Variants in ITGAX observed in about 807,000 individuals in gnomAD.
ITGAX encodes integrin subunit alpha X.
A neutral mutation model predicts 140.2 loss-of-function variants in ITGAX; 99 were observed. That is an observed-to-expected ratio of 0.71 (90% CI 0.60 to 0.83). The LOEUF (loss-of-function observed/expected upper bound fraction) is 0.83, where lower values mean the gene tolerates loss of function less well. Ranked by LOEUF, ITGAX falls within the 40% of genes least tolerant of loss-of-function variation. ITGAX has a pLI of 0.00. For missense variants in ITGAX, 1,444 were observed against 1,482.0 expected, an observed-to-expected ratio of 0.97 and a Z score of 0.42; for synonymous variants, 631 against 600.4, an observed-to-expected ratio of 1.05 and a Z score of -0.75.
chr16:31,361,467 CA>C, intron 9 of ITGAX: 2 of 672,740 alleles, frequency 3.0e-6, no homozygotes. Context: ...CACTGCAGAA[CA>C]AAAAGCAGTG....
In ITGAX at chr16:31,362,664, GC is replaced by G. The variant is rs1316967675; in HGVS notation, c.1276del (p.Arg426AlafsTer20). 1 of 1,613,604 alleles carries G rather than the reference GC, an allele frequency of 6.2e-7. No individual in the cohort carries two copies. Among genetic ancestry groups the G allele is most frequent in the Non-Finnish European group, 8.5e-7 (1 of 1,179,812 alleles). On this transcript the variant is annotated frameshift_variant, in exon 12 of 30. Coordinates refer to ENST00000268296, the MANE Select transcript of ITGAX (RefSeq NM_000887.5). LOFTEE classifies it high-confidence loss of function. ...AGGGGTGCAGAGCCTGGTCCTGGGGGCCCCCCGCTACCAGCACACCGGGAAG... is the reference window on the plus strand; with the variant it reads ...AGGGGTGCAGAGCCTGGTCCTGGGGGCCCCCGCTACCAGCACACCGGGAAG... ...WKGVQSLVLG[A>X]PRYQHTGKAV...
At chr16:31,380,137 C>T in intron 26 of ITGAX, 72 bp downstream of exon 26, 1 of 1,549,264 alleles carries the variant, frequency 6.5e-7, no homozygotes, top group East Asian at 2.3e-5. Context: ...AGTTCATGTT[C>T]CATATCCATC....
intron 14 of ITGAX, 28 bp from the exon 15 acceptor site, chr16:31,371,056 T>C: frequency 6.2e-7 from 1 of 1,613,384 alleles, no homozygotes; most frequent in Non-Finnish European, 8.5e-7. Context: ...ACTTTCCATC[T>C]TGATTCACCC....
rs200189050 is a variant in ITGAX at position 31,359,833 on chromosome 16, G to A, written c.561+3G>A. 9.9e-6 allele frequency: 16 copies of A among 1,614,188 alleles called. No individual in the cohort carries two copies. The East Asian group carries it at 2.5e-4, about 25-fold the overall frequency. ...AGTTCCAGAGACCCAGCACCCAGGT[G>A]TGCCTTTGGGGGAGGGAGGCTGCTG... On this transcript the variant is annotated splice_donor_region_variant and intron_variant, in intron 6 of 29. Coordinates refer to ENST00000268296, the MANE Select transcript of ITGAX (RefSeq NM_000887.5).
chr16:31,380,111 A>G (rs765759705), intron 26 of ITGAX, 46 bp downstream of exon 26: 1 of 1,587,130 alleles, frequency 6.3e-7, no homozygotes, highest in Admixed American at 1.7e-5. Context: ...CCCACATCAG[A>G]GGAATTTAAC....
At chr16:31,355,356 T>C (rs2080747610) in intron 1 of ITGAX, 65 bp downstream of exon 1, 8 of 1,571,004 alleles carry the variant, frequency 5.1e-6, no homozygotes, top group Non-Finnish European at 7.0e-6. Flanking sequence ...GGCCCTGAAC[T>C]GGGGGCTCAG....
intron 2 of ITGAX, 46 bp downstream of exon 2, chr16:31,356,044 C>T: frequency 7.2e-7 from 1 of 1,385,586 alleles, no homozygotes; most frequent in East Asian, 2.3e-5. Flanking sequence ...CATCCTCTCC[C>T]TGCTCAGGGC....
At chr16:31,355,418 G>A (rs2080748415) in intron 1 of ITGAX, 127 bp downstream of exon 1, 3 of 979,214 alleles carry the variant, frequency 3.1e-6, no homozygotes, top group Non-Finnish European at 1.6e-6. Flanking sequence ...AGCCTGAGGG[G>A]GAGGCAGGCA....
chr16:31,371,005 C>A (rs2080950592), intron 14 of ITGAX, 79 bp from the exon 15 acceptor site: 31 of 1,579,666 alleles, frequency 2.0e-5, no homozygotes, highest in Non-Finnish European at 2.6e-5. Flanking sequence ...ATGGTCCTAC[C>A]TCCATATTCC....
chr16:31,361,561 A>C, intron 9 of ITGAX: 1 of 705,970 alleles, frequency 1.4e-6, no homozygotes, highest in East Asian at 2.6e-5. Flanking sequence ...CCCCTGGGCA[A>C]GGGGCACACG....
chr16:31,356,807 T>A, intron 3 of ITGAX, 79 bp downstream of exon 3: 1 of 1,098,030 alleles, frequency 9.1e-7, no homozygotes. Flanking sequence ...CTCACCGGAG[T>A]GTCACTTTCA....
Position 31,369,573 on chromosome 16 carries a change from G to A in ITGAX, c.1711-1511G>A, listed in dbSNP as rs534423914. Among the ~76,000 whole-genome samples the A allele has an allele frequency of 2.8e-4, 43 of 152,300 alleles. No individual in the cohort carries two copies. The South Asian group carries it at 8.5e-3, about 30-fold the overall frequency. On this transcript the variant is annotated intron_variant, in intron 14 of 29. Transcript: ENST00000268296. ...CAGTTGCCACTGTGATCAGTCAGCC[G>A]TGTCACCATCAGGCAAGACCCTCCA... is the stretch of plus-strand genomic sequence containing the variant.
At chr16:31,381,730 C>T (rs1291462020) in intron 29 of ITGAX, 73 bp from the exon 30 acceptor site, 1 of 829,644 alleles carries the variant, frequency 1.2e-6, no homozygotes, top group Non-Finnish European at 2.1e-6. Flanking sequence ...AGTGACCCCT[C>T]TCCCTCAGTC....
Position 31,356,676 on chromosome 16 carries a change from C to G in ITGAX, c.195C>G (p.Gly65=). 1 of 1,601,400 alleles carries G rather than the reference C, an allele frequency of 6.2e-7. No homozygotes were observed. Among genetic ancestry groups the G allele is most frequent in the Non-Finnish European group, 8.5e-7 (1 of 1,175,126 alleles). Reference sequence around the variant, plus strand: ...TAACAGCTGCCAACCAAACGGGTGGCCTCTACCAGTGTGGCTACAGCACTG... The same window carrying G: ...TAACAGCTGCCAACCAAACGGGTGGGCTCTACCAGTGTGGCTACAGCACTG... ...QKITAANQTG[G]LYQCGYSTGA... The change falls in exon 3 of 30, where the codon GGC becomes GGG. Residue 65 remains glycine (G), a synonymous_variant. Coordinates refer to ENST00000268296, the MANE Select transcript of ITGAX (RefSeq NM_000887.5).
Position 31,362,323 on chromosome 16 carries a change from G to A in ITGAX, c.1216+119G>A, listed in dbSNP as rs546424845. On this transcript the variant is annotated intron_variant, in intron 11 of 29. Transcript: ENST00000268296. ...CCAGGGTGGGGTCCAGGCTTCTGGG[G>A]AGGGAGGATGGGCACTGTGCTGCCC... is the stretch of plus-strand genomic sequence containing the variant. The A allele has an allele frequency of 2.3e-5, 30 of 1,329,188 alleles. No individual in the cohort carries two copies. The South Asian group carries it at 3.9e-4, about 17-fold the overall frequency. 82.3% of individuals were successfully genotyped at this position (1,329,188 alleles called of 1,614,324 possible).
Position 31,382,743 on chromosome 16 carries a change from G to A in ITGAX, c.*836G>A. On this transcript the variant is annotated 3_prime_UTR_variant, in exon 30 of 30. Transcript: ENST00000268296. ...GTTGGGCAACATTGCTGGCTGGAAG[G>A]GAGGAGCGCCCTCTAGGGAGGGACA... 1.9e-6 allele frequency: 1 copy of A among 527,240 alleles called. No individual in the cohort carries two copies. The allele number at this position is 527,240 out of a possible 1,614,324, so 32.7% of individuals were successfully genotyped here. A position where few individuals can be genotyped will look rare whatever the true frequency, so the allele number is the denominator to read the frequency against.
At chr16:31,364,796 T>C (rs1340872516) in intron 14 of ITGAX, among the ~76,000 whole-genome samples, 5 of 150,516 alleles carry the variant, frequency 3.3e-5, no homozygotes, top group African/African-American at 9.8e-5. Flanking sequence ...GTGGATAACC[T>C]GAGGAGTTTG....
At chr16:31,381,322 A>G (rs2081067159) in intron 29 of ITGAX, among the ~76,000 whole-genome samples, 1 of 152,106 alleles carries the variant, frequency 6.6e-6, no homozygotes, top group South Asian at 2.1e-4. Flanking sequence ...TTTGTCTTTG[A>G]CCATAGGCCA....
chr16:31,355,971 A>G lies in ITGAX; in HGVS notation c.116A>G (p.Asp39Gly), dbSNP rs763417890. 5.0e-6 allele frequency: 8 copies of G among 1,613,404 alleles called. No individual in the cohort carries two copies. In the East Asian group the frequency reaches 1.6e-4, roughly 32 times the overall value. ...CGTGTGGACAGCGCTGGGTTTGGAG[A>G]CAGCGTGGTCCAGTATGCCAACTCC... ...AFRVDSAGFG[D>G]SVVQYANSWV... The change falls in exon 2 of 30, where the codon GAC becomes GGC. Residue 39 changes from aspartate (D) to glycine (G), a missense_variant. Physicochemically the swap from Asp to Gly is moderately conservative, Grantham distance 94 (BLOSUM62 -1). Transcript: ENST00000268296.
Sources: gnomAD v4.1 joint callset for allele counts (sites outside exome capture counted in the v4.1 genomes callset) on GRCh38, gnomAD v4.1.1 for gene constraint, MANE v1.5 for transcripts, NCBI Gene and HGNC (gene_info 2026-07-23, HGNC 2026-07-21) for gene names.